METTL8: variants seen among roughly 807,000 people sequenced by gnomAD.
The protein encoded by METTL8 is tRNA N(3)-cytidine methyltransferase METTL8, mitochondrial.
A neutral mutation model predicts 48.7 loss-of-function variants in METTL8; 32 were observed. The observed-to-expected ratio is 0.66, with a 90% CI of 0.50 to 0.88. The LOEUF is 0.88. Among genes scored for constraint, METTL8 ranks in the 40% least tolerant of loss-of-function variants. The pLI is 0.00. For synonymous variants in METTL8, 136 were observed against 157.1 expected (o/e 0.87, Z 1.01); for missense variants, 464 against 474.4 (o/e 0.98, Z 0.20).
chr2:171,420,251 G>A (rs1183739209), intron 1 of METTL8, among the ~76,000 whole-genome samples: 4 of 152,278 alleles, frequency 2.6e-5, no homozygotes, highest in African/African-American at 4.8e-5. Context: ...AAGATCTCAG[G>A]GAGTGATGGT....
At chr2:171,362,847 A>G (rs1685305740) in intron 2 of METTL8, among the ~76,000 whole-genome samples, 1 of 152,144 alleles carries the variant, frequency 6.6e-6, no homozygotes. Context: ...TACACTTTAA[A>G]TTCTGTATAT....
intron 1 of METTL8, among the ~76,000 whole-genome samples, chr2:171,422,794 T>G (rs773371090): frequency 1.3e-5 from 2 of 152,196 alleles, no homozygotes; most frequent in Non-Finnish European, 2.9e-5. Context: ...GGCAAAAACT[T>G]AAGTCTGACA....
chr2:171,410,515 ATGT>A (rs1690644481), intron 1 of METTL8, among the ~76,000 whole-genome samples: 1 of 152,236 alleles, frequency 6.6e-6, no homozygotes, highest in Admixed American at 6.5e-5. Context: ...GAAGGTACTA[ATGT>A]TGTTTAGCTA....
At chr2:171,412,332 C>A (rs1427676089) in intron 1 of METTL8, among the ~76,000 whole-genome samples, 1 of 152,146 alleles carries the variant, frequency 6.6e-6, no homozygotes, top group Non-Finnish European at 1.5e-5. Context: ...AAGAAAAGGA[C>A]CATCTCTTTC....
intron 6 of METTL8, 127 bp from the exon 7 acceptor site, chr2:171,330,825 C>T (rs1382172531): frequency 4.3e-6 from 3 of 701,394 alleles, no homozygotes; most frequent in South Asian, 4.4e-5. Flanking sequence ...TCAGTCTGAA[C>T]ACTTTTTTCC....
intron 1 of METTL8, among the ~76,000 whole-genome samples, chr2:171,396,583 C>T (rs1689087243): frequency 6.6e-6 from 1 of 152,104 alleles, no homozygotes; most frequent in African/African-American, 2.4e-5. Flanking sequence ...TCAATCCTTG[C>T]TTTTGTATCC....
At chr2:171,429,594 T>C (rs1692771644) in intron 1 of METTL8, among the ~76,000 whole-genome samples, 1 of 152,090 alleles carries the variant, frequency 6.6e-6, no homozygotes, top group Non-Finnish European at 1.5e-5. Context: ...GTATAAAAGA[T>C]ACAACACACA....
rs1684643166 is a variant in METTL8 at position 171,323,508 on chromosome 2, A to G, written c.*664T>C. ...CTCAGCCCCCCAAAGTGCTGGGATT[A>G]CAGGTGCGAGCCATTGCACCTGGCC... On this transcript the variant is annotated 3_prime_UTR_variant, in exon 10 of 10. Transcript: ENST00000375258. 1 of 152,272 alleles carries G rather than the reference A, an allele frequency of 6.6e-6. No individual in the cohort carries two copies. The highest frequency in any genetic ancestry group is 6.5e-5 in the Admixed American group (1 of 15,274). 9.4% of individuals were successfully genotyped at this position (152,272 alleles called of 1,614,324 possible).
intron 2 of METTL8, among the ~76,000 whole-genome samples, chr2:171,371,798 A>AT (rs1686372592): frequency 6.7e-6 from 1 of 150,034 alleles, no homozygotes; most frequent in Non-Finnish European, 1.5e-5. Flanking sequence ...CGCCCAGCTA[A>AT]TTTTTAAAAT....
At chr2:171,388,072 T>C (rs1366186380) in intron 2 of METTL8, among the ~76,000 whole-genome samples, 8 of 152,240 alleles carry the variant, frequency 5.3e-5, no homozygotes, top group Non-Finnish European at 1.2e-4. Context: ...ATTAACCATC[T>C]TTCTTCCAAA....
intron 5 of METTL8, 122 bp from the exon 6 acceptor site, chr2:171,331,989 G>T: frequency 1.5e-6 from 1 of 647,342 alleles, no homozygotes; most frequent in Non-Finnish European, 2.7e-6. Context: ...GGACTCTAGC[G>T]ATCTTGCTTC....
chr2:171,372,788 C>T (rs1229625911), intron 2 of METTL8, among the ~76,000 whole-genome samples: 1 of 152,158 alleles, frequency 6.6e-6, no homozygotes, highest in Non-Finnish European at 1.5e-5. Flanking sequence ...CCAGCTTCAT[C>T]CATGTCCCTA....
At chr2:171,387,658 G>T (rs897164597) in intron 2 of METTL8, among the ~76,000 whole-genome samples, 1 of 151,334 alleles carries the variant, frequency 6.6e-6, no homozygotes, top group Admixed American at 6.6e-5. Flanking sequence ...TATAAAAATT[G>T]AGATTGTTTA....
intron 1 of METTL8, among the ~76,000 whole-genome samples, chr2:171,421,443 T>C (rs113196216): frequency 0.39 from 7,101 of 18,248 alleles, 239 homozygotes; most frequent in East Asian, 0.47. Context: ...CAGTGAGACC[T>C]TACTTCAAAA....
intron 1 of METTL8, among the ~76,000 whole-genome samples, chr2:171,392,493 A>AATAGATTTTCCTGAACAAAAT (rs1688667864): frequency 6.6e-6 from 1 of 152,184 alleles, no homozygotes; most frequent in African/African-American, 2.4e-5. Context: ...ACATGATCAA[A>AATAGATTTTCCTGAACAAAAT]GCATGTCTGA....
intron 2 of METTL8, among the ~76,000 whole-genome samples, chr2:171,388,035 C>T (rs1379545045): frequency 2.0e-5 from 3 of 152,144 alleles, no homozygotes; most frequent in Non-Finnish European, 4.4e-5. Context: ...GCTCACAAAG[C>T]CTATTATTCA....
chr2:171,328,015 A>C (rs1451671407), intron 7 of METTL8, among the ~76,000 whole-genome samples: 1 of 152,142 alleles, frequency 6.6e-6, no homozygotes, highest in African/African-American at 2.4e-5. Flanking sequence ...TCTGGGGTTG[A>C]GGATAAAGGC....
At chr2:171,412,687 CAGA>C (rs1405254314) in intron 1 of METTL8, among the ~76,000 whole-genome samples, 1 of 151,020 alleles carries the variant, frequency 6.6e-6, no homozygotes, top group East Asian at 1.9e-4. Context: ...TCAAACTATA[CAGA>C]AGATCACTGT....
At chr2:171,392,246 T>TACAC in intron 1 of METTL8, 49 bp from the exon 2 acceptor site, 4 of 1,451,560 alleles carry the variant, frequency 2.8e-6, no homozygotes, top group African/African-American at 1.4e-5. Flanking sequence ...AAACAGTGTA[T>TACAC]TGTTTATCTA....
Sources: gnomAD v4.1 joint callset for allele counts (sites outside exome capture counted in the v4.1 genomes callset) on GRCh38, gnomAD v4.1.1 for gene constraint, MANE v1.5 for transcripts, NCBI Gene and HGNC (gene_info 2026-07-23, HGNC 2026-07-21) for gene names.